Variants in TASP1 observed in about 807,000 individuals in gnomAD.
TASP1 encodes taspase 1, also known as threonine aspartase 1.
Under a neutral mutation model 56.6 loss-of-function variants are expected in TASP1, and 16 were observed. The observed-to-expected ratio is 0.28, with a 90% confidence interval of 0.19 to 0.43. The LOEUF (loss-of-function observed/expected upper bound fraction) is 0.43. Among genes scored for constraint, TASP1 ranks in the 20% least tolerant of loss-of-function variants. The pLI is 1.00. For missense variants in TASP1, 393 were observed against 511.6 expected (o/e 0.77, Z 2.24); for synonymous variants, 179 against 184.2 (o/e 0.97, Z 0.23).
the TASP1 span, among the ~76,000 whole-genome samples, chr20:13,373,267 A>C: frequency 5.3e-5 from 8 of 152,064 alleles, no homozygotes; most frequent in Admixed American, 5.2e-4. Context: ...AGTGTTTTAT[A>C]CACTTGATTT....
the TASP1 span, among the ~76,000 whole-genome samples, chr20:13,296,476 G>A: frequency 2.6e-5 from 4 of 152,332 alleles, no homozygotes; most frequent in East Asian, 3.9e-4. Flanking sequence ...TGGGATGAAC[G>A]CTGTGACCAT....
chr20:13,291,595 T>C, the TASP1 span, among the ~76,000 whole-genome samples: 1 of 152,150 alleles, frequency 6.6e-6, no homozygotes, highest in Non-Finnish European at 1.5e-5. Context: ...TTCCTGATTG[T>C]AAAGGAAGCT....
chr20:13,570,885 A>G (rs1210704530), intron 6 of TASP1, among the ~76,000 whole-genome samples: 2 of 151,298 alleles, frequency 1.3e-5, no homozygotes, highest in African/African-American at 2.4e-5. Context: ...TTCTTCTAGG[A>G]AAAAAAAACT....
the TASP1 span, among the ~76,000 whole-genome samples, chr20:13,375,958 G>T: frequency 6.6e-6 from 1 of 151,380 alleles, no homozygotes; most frequent in Admixed American, 6.6e-5. Context: ...TAAGTTCCTT[G>T]TAGATTCTGG....
At chr20:13,497,724 G>T (rs2043785689) in intron 10 of TASP1, among the ~76,000 whole-genome samples, 1 of 152,144 alleles carries the variant, frequency 6.6e-6, no homozygotes, top group African/African-American at 2.4e-5. Flanking sequence ...CACACTATCT[G>T]ACTTTAAATT....
At chr20:13,112,178 T>C in the TASP1 span, among the ~76,000 whole-genome samples, 1 of 152,228 alleles carries the variant, frequency 6.6e-6, no homozygotes, top group East Asian at 1.9e-4. Flanking sequence ...CTACTCCACA[T>C]GGCATTGGTT....
intron 10 of TASP1, among the ~76,000 whole-genome samples, chr20:13,527,538 G>T (rs1232442236): frequency 2.0e-5 from 3 of 152,140 alleles, no homozygotes; most frequent in African/African-American, 7.2e-5. Context: ...CATGATTAAA[G>T]TATGGAAATA....
the TASP1 span, among the ~76,000 whole-genome samples, chr20:13,230,677 T>C: frequency 1.3e-5 from 2 of 151,184 alleles, no homozygotes; most frequent in African/African-American, 4.9e-5. Context: ...AGAGATGGGA[T>C]GGGGGTGTCG....
At chr20:13,358,946 T>C in the TASP1 span, among the ~76,000 whole-genome samples, 1 of 150,676 alleles carries the variant, frequency 6.6e-6, no homozygotes, top group Non-Finnish European at 1.5e-5. Context: ...CCTCAACCCC[T>C]TCTCTCCTTG....
intron 13 of TASP1, among the ~76,000 whole-genome samples, chr20:13,415,742 C>A (rs567351758): frequency 6.6e-6 from 1 of 152,148 alleles, no homozygotes; most frequent in African/African-American, 2.4e-5. Flanking sequence ...GTGTCTTTCA[C>A]GGGCCACCAG....
At position 13,635,535 on chromosome 20, in the gene TASP1, G is replaced by A. The variant is rs188706887; in HGVS notation, c.-75+3359C>T. On this transcript the variant is annotated intron_variant, in intron 1 of 13. Coordinates refer to ENST00000337743, the MANE Select transcript of TASP1 (RefSeq NM_017714.3). ...CCTGAGTGGCCAGGACTAAAGGCACGCACCCCCATGCCTGGCTAATTTTTG... is the reference window on the plus strand; with the variant it reads ...CCTGAGTGGCCAGGACTAAAGGCACACACCCCCATGCCTGGCTAATTTTTG... 1.7e-4 allele frequency among the ~76,000 whole-genome samples: 26 copies of A among 151,902 alleles called. No individual in the cohort carries two copies. The East Asian group carries it at 3.7e-3, about 22-fold the overall frequency.
chr20:13,354,735 C>G, the TASP1 span, among the ~76,000 whole-genome samples: 1 of 151,940 alleles, frequency 6.6e-6, no homozygotes, highest in East Asian at 1.9e-4. Flanking sequence ...TTCAGGATGT[C>G]AACTGCACAG....
chr20:13,637,835 C>T (rs2049365590), intron 1 of TASP1, among the ~76,000 whole-genome samples: 1 of 151,840 alleles, frequency 6.6e-6, no homozygotes, highest in African/African-American at 2.4e-5. Flanking sequence ...CACAACTTTG[C>T]GATATGAGAA....
chr20:13,333,433 T>C, the TASP1 span, among the ~76,000 whole-genome samples: 2 of 152,168 alleles, frequency 1.3e-5, no homozygotes, highest in African/African-American at 4.8e-5. Context: ...AAGAGCAAGA[T>C]GAGATTTGAG....
intron 4 of TASP1, among the ~76,000 whole-genome samples, chr20:13,590,889 T>G (rs2047507318): frequency 2.0e-5 from 3 of 151,312 alleles, no homozygotes; most frequent in African/African-American, 7.3e-5. Context: ...TAAATAAAAA[T>G]AAAAATTTTT....
the TASP1 span, among the ~76,000 whole-genome samples, chr20:13,206,792 G>T: frequency 6.6e-6 from 1 of 152,172 alleles, no homozygotes; most frequent in Non-Finnish European, 1.5e-5. Context: ...GCCAGAATTC[G>T]GCCATATGAC....
At chr20:13,613,332 A>C (rs898773778) in intron 4 of TASP1, among the ~76,000 whole-genome samples, 2 of 152,206 alleles carry the variant, frequency 1.3e-5, no homozygotes, top group African/African-American at 4.8e-5. Flanking sequence ...GTTTGCAAGT[A>C]GTTGCTAACT....
At chr20:13,357,409 T>C in the TASP1 span, among the ~76,000 whole-genome samples, 1 of 152,170 alleles carries the variant, frequency 6.6e-6, no homozygotes, top group East Asian at 1.9e-4. Context: ...TTTTGGCTAC[T>C]TGTTTTTCAC....
At chr20:13,587,472 T>G in intron 4 of TASP1, 102 bp from the exon 5 acceptor site, 1 of 950,176 alleles carries the variant, frequency 1.1e-6, no homozygotes, top group Non-Finnish European at 1.5e-6. Context: ...GAGAGAATAC[T>G]TTCCAACACA....
Sources: allele counts gnomAD v4.1 joint callset (sites outside exome capture counted in the v4.1 genomes callset), GRCh38; gene constraint gnomAD v4.1.1; transcripts MANE v1.5; gene names NCBI Gene and HGNC (gene_info 2026-07-23, HGNC 2026-07-21).